The following UNC13C variants were observed in gnomAD, a reference collection of about 807,000 sequenced individuals.
The protein encoded by UNC13C is unc-13 homolog C, also known as protein unc-13 homolog C.
Under a neutral mutation model 245.4 loss-of-function variants are expected in UNC13C, and 174 were observed. The ratio of observed to expected loss-of-function variants is 0.71; its 90% CI spans 0.63 to 0.80. The LOEUF is 0.80. UNC13C is among the 30% of genes least tolerant of loss of function. The pLI is 0.00. For synonymous variants in UNC13C, 992 were observed against 895.1 expected (o/e 1.11, Z -1.93); for missense variants, 2,829 against 2,602.9 (o/e 1.09, Z -1.89).
intron 8 of UNC13C, among the ~76,000 whole-genome samples, chr15:54,261,992 A>G (rs1567142928): frequency 1.3e-5 from 2 of 152,356 alleles, no homozygotes; most frequent in East Asian, 1.9e-4. Flanking sequence ...ATATTCTATA[A>G]TAACAGCAAT....
chr15:54,434,587 G>T (rs1033282491), intron 19 of UNC13C, among the ~76,000 whole-genome samples: 88 of 152,196 alleles, frequency 5.8e-4, no homozygotes, highest in African/African-American at 2.0e-3. Context: ...ATTAACTCAA[G>T]ATGGATTAAA....
intron 30 of UNC13C, among the ~76,000 whole-genome samples, chr15:54,584,256 C>T (rs1473152414): frequency 6.6e-6 from 1 of 152,202 alleles, no homozygotes; most frequent in Non-Finnish European, 1.5e-5. Flanking sequence ...TATATTTATA[C>T]TGTAAAATGT....
chr15:54,341,463 T>C (rs1371959370), intron 17 of UNC13C, among the ~76,000 whole-genome samples: 2 of 152,152 alleles, frequency 1.3e-5, no homozygotes, highest in African/African-American at 4.8e-5. Context: ...AAACTCACTA[T>C]TGGGTCCTAT....
At chr15:53,903,778 T>G in the UNC13C span, among the ~76,000 whole-genome samples, 1 of 152,220 alleles carries the variant, frequency 6.6e-6, no homozygotes, top group African/African-American at 2.4e-5. Flanking sequence ...AAAAGCCATA[T>G]GTATAACCTA....
chr15:54,489,477 C>T (rs1336837581), intron 19 of UNC13C, among the ~76,000 whole-genome samples: 2 of 152,056 alleles, frequency 1.3e-5, no homozygotes, highest in East Asian at 3.9e-4. Context: ...GAGACAGCCT[C>T]AATGTATGTG....
rs116434393 is a variant in UNC13C at position 54,469,096 on chromosome 15, C to T, written c.4934-25512C>T. ...AGGGATGTCTATTTTCTCATGTTACCTCCAATTTCTTTTATCAATGTTTTA... is the reference window on the plus strand; with the variant it reads ...AGGGATGTCTATTTTCTCATGTTACTTCCAATTTCTTTTATCAATGTTTTA... On this transcript the variant is annotated intron_variant, in intron 19 of 32. Transcript: ENST00000260323. 5.4e-3 allele frequency among the ~76,000 whole-genome samples: 824 copies of T among 151,408 alleles called. 7 individuals are homozygous for T. Among genetic ancestry groups the T allele is most frequent in the African/African-American group, 0.019 (795 of 41,418 alleles).
intron 30 of UNC13C, among the ~76,000 whole-genome samples, chr15:54,606,503 A>C (rs190690061): frequency 6.6e-6 from 1 of 152,332 alleles, no homozygotes; most frequent in African/African-American, 2.4e-5. Flanking sequence ...ATTTTTAAAA[A>C]GAAAGAAACT....
intron 30 of UNC13C, among the ~76,000 whole-genome samples, chr15:54,585,798 T>C (rs1163755056): frequency 6.6e-6 from 1 of 152,194 alleles, no homozygotes; most frequent in Non-Finnish European, 1.5e-5. Context: ...CAAGCAGATA[T>C]AACCTTTTAT....
At chr15:53,919,384 T>A in the UNC13C span, among the ~76,000 whole-genome samples, 1 of 152,224 alleles carries the variant, frequency 6.6e-6, no homozygotes, top group African/African-American at 2.4e-5. Context: ...GGTGACCATG[T>A]GTGCCTCAGT....
intron 2 of UNC13C, among the ~76,000 whole-genome samples, chr15:54,124,664 T>C (rs1291149990): frequency 2.0e-5 from 3 of 152,160 alleles, no homozygotes; most frequent in African/African-American, 7.2e-5. Flanking sequence ...TTTCATATTA[T>C]GCTATTGGTA....
chr15:53,879,869 A>G, the UNC13C span, among the ~76,000 whole-genome samples: 1 of 152,196 alleles, frequency 6.6e-6, no homozygotes, highest in East Asian at 1.9e-4. Context: ...TGGAAAACAA[A>G]ATTATTATTA....
intron 19 of UNC13C, among the ~76,000 whole-genome samples, chr15:54,451,349 C>T (rs1352838005): frequency 6.6e-6 from 1 of 151,916 alleles, no homozygotes; most frequent in Non-Finnish European, 1.5e-5. Flanking sequence ...TAAGCTTTAC[C>T]TAATATTTTG....
chr15:53,865,473 CTCT>C, the UNC13C span, among the ~76,000 whole-genome samples: 6 of 152,256 alleles, frequency 3.9e-5, no homozygotes, highest in South Asian at 2.1e-4. Context: ...CCCCTGGTGT[CTCT>C]TCTTCTTCTA....
intron 1 of UNC13C, among the ~76,000 whole-genome samples, chr15:54,009,694 G>T (rs1895297082): frequency 2.0e-5 from 3 of 152,084 alleles, no homozygotes; most frequent in African/African-American, 7.2e-5. Flanking sequence ...CTACAGGCAT[G>T]TACCACCACA....
chr15:54,091,741 C>G (rs1899584409), intron 2 of UNC13C, among the ~76,000 whole-genome samples: 1 of 148,596 alleles, frequency 6.7e-6, no homozygotes, highest in South Asian at 2.2e-4. Context: ...ATTTTGTTAT[C>G]TCTTATAGTT....
intron 4 of UNC13C, among the ~76,000 whole-genome samples, chr15:54,157,611 G>A (rs2032804910): frequency 6.6e-6 from 1 of 152,132 alleles, no homozygotes; most frequent in African/African-American, 2.4e-5. Context: ...TGAGTTTTGA[G>A]ACACTCTAGC....
intron 2 of UNC13C, among the ~76,000 whole-genome samples, chr15:54,126,992 A>G (rs750641849): frequency 7.9e-5 from 12 of 152,230 alleles, no homozygotes; most frequent in Non-Finnish European, 1.6e-4. Context: ...ATGCAAATCA[A>G]AACCACAATG....
chr15:54,116,697 A>G (rs767987891), intron 2 of UNC13C, among the ~76,000 whole-genome samples: 1 of 152,190 alleles, frequency 6.6e-6, no homozygotes, highest in Non-Finnish European at 1.5e-5. Flanking sequence ...ACTTAGGTTG[A>G]TTCCACATGT....
At position 54,032,427 on chromosome 15, in the gene UNC13C, C is replaced by T. The variant is rs561519668; in HGVS notation, c.2983+16541C>T. ...CCCACCTTCCTGGGTGCCTTCATTG[C>T]GTTGATGAGTGATTGCTCAGGTTTG... On this transcript the variant is annotated intron_variant, in intron 2 of 32. Coordinates refer to ENST00000260323, the MANE Select transcript of UNC13C (RefSeq NM_001080534.3). Among the ~76,000 whole-genome samples the T allele has an allele frequency of 1.7e-4, 26 of 152,224 alleles. No homozygotes were observed. The South Asian group carries it at 4.6e-3, about 27-fold the overall frequency.
Sources: gnomAD v4.1 joint callset for allele counts (sites outside exome capture counted in the v4.1 genomes callset) on GRCh38, gnomAD v4.1.1 for gene constraint, MANE v1.5 for transcripts, NCBI Gene and HGNC (gene_info 2026-07-23, HGNC 2026-07-21) for gene names.